Variants in NPC1L1 observed in about 807,000 individuals in gnomAD.
NPC1L1 encodes the protein NPC1 like intracellular cholesterol transporter 1, also known as NPC1-like intracellular cholesterol transporter 1.
In NPC1L1, 98 loss-of-function variants were observed where a neutral mutation model predicts 117.0. The ratio of observed to expected loss-of-function variants is 0.84; its 90% CI spans 0.71 to 0.99. NPC1L1 has a LOEUF of 0.99. NPC1L1 is among the 50% of genes least tolerant of loss of function. The pLI, the probability that NPC1L1 is intolerant of heterozygous loss-of-function variation, is 0.00. For missense variants in NPC1L1, 1,540 were observed against 1,710.0 expected (o/e 0.90, Z 1.75); for synonymous variants, 729 against 727.6 (o/e 1.00, Z -0.03).
chr7:44,518,648 G>T, intron 14 of NPC1L1: 1 of 1,077,686 alleles, frequency 9.3e-7, no homozygotes, highest in Non-Finnish European at 1.2e-6. Context: ...CAGCCTGGGT[G>T]ACAGAATGGC....
intron 10 of NPC1L1, among the ~76,000 whole-genome samples, chr7:44,531,098 G>A (rs1801685402): frequency 6.6e-6 from 1 of 152,200 alleles, no homozygotes; most frequent in Non-Finnish European, 1.5e-5. Context: ...GTCTGTGGCT[G>A]CTTCCTCTTG....
intron 7 of NPC1L1, 54 bp downstream of exon 7, chr7:44,533,685 C>G: frequency 6.2e-7 from 1 of 1,606,766 alleles, no homozygotes; most frequent in African/African-American, 1.3e-5. Flanking sequence ...TCCTAGGCCC[C>G]GGCACTAACC....
Position 44,538,310 on chromosome 7 carries a change from G to A in NPC1L1, c.1580+507C>T, listed in dbSNP as rs1801962283. Among the ~76,000 whole-genome samples the A allele has an allele frequency of 6.6e-6, 1 of 152,206 alleles. No individual in the cohort carries two copies. The highest frequency in any genetic ancestry group is 2.4e-5 in the African/African-American group (1 of 41,468). The stretch of plus-strand genomic sequence containing the variant: ...AACCCCAATCAATAGAAGTGTGTGT[G>A]GCTGTGGCCTACCCCAGGACACCCG... On this transcript the variant is annotated intron_variant, in intron 2 of 18. Transcript: ENST00000381160. The surrounding 1 kb of genome is among the most constrained non-coding windows in gnomAD (Gnocchi z 5.9).
In NPC1L1 at chr7:44,517,329, G is replaced by A. The variant is rs531074780; in HGVS notation, c.3165C>T (p.Pro1055=). The change falls in exon 15 of 19, where the codon CCC becomes CCT. Residue 1055 remains proline (P), a synonymous_variant. Transcript: ENST00000381160. ...CTGTGTAATCCTGTGAGTTTTTCAG[G>A]GGCTTGTGATAGGCCATGAACCTGG... ...LASRFMAYHK[P]LKNSQDYTEA... is the part of the protein sequence containing the mutation. 1 of 1,613,602 alleles carries A rather than the reference G, an allele frequency of 6.2e-7. No homozygotes were observed. The highest frequency in any genetic ancestry group is 2.2e-5 in the East Asian group (1 of 44,892).
intron 6 of NPC1L1, 78 bp from the exon 7 acceptor site, chr7:44,533,931 G>A: frequency 8.0e-7 from 1 of 1,245,414 alleles, no homozygotes; most frequent in Admixed American, 2.0e-5. Context: ...GAGTTGGCAA[G>A]TGCCCAGAGC....
At chr7:44,517,037 T>C in intron 15 of NPC1L1, 103 bp from the exon 16 acceptor site, 1 of 1,434,534 alleles carries the variant, frequency 7.0e-7, no homozygotes, top group African/African-American at 1.4e-5. Flanking sequence ...CAGGCAGGCT[T>C]ATATTGGGGT....
intron 18 of NPC1L1, among the ~76,000 whole-genome samples, chr7:44,514,444 G>C (rs1801125038): frequency 6.6e-6 from 1 of 152,178 alleles, no homozygotes; most frequent in East Asian, 1.9e-4. Context: ...AAGGCAGATG[G>C]ATCACCTGAG....
At chr7:44,532,404 A>G (rs1801735242) in intron 8 of NPC1L1, among the ~76,000 whole-genome samples, 187 bp from the exon 9 acceptor site, 1 of 152,192 alleles carries the variant, frequency 6.6e-6, no homozygotes, top group Admixed American at 6.5e-5. Flanking sequence ...ATTTTACACC[A>G]TCATGGGAAC....
chr7:44,539,951 T>G lies in NPC1L1; in HGVS notation c.446A>C (p.Gln149Pro), dbSNP rs1802037659. Residue 149 changes from glutamine to proline, a missense_variant, in exon 2 of 19, where the codon CAA becomes CCA. Around this residue, in one of 3 missense-constraint regions of NPC1L1, gnomAD observed 793 missense variants for 820.4 expected, o/e 0.97. Transcript: ENST00000381160. This position sits in a 1 kb window ranked among gnomAD's most constrained non-coding sequence, Gnocchi z 4.4. ...CTCATAGGCCACCACAGCTGGGAGT[T>G]GTCCAGCCCCTAGCTGGGCCACGCG... The part of the protein sequence containing the change: ...VTRVAQLGAG[Q>P]LPAVVAYEAF... The G allele has an allele frequency of 1.9e-6, 3 of 1,614,218 alleles. No homozygotes were observed. The East Asian group carries it at 6.7e-5, about 36-fold the overall frequency.
At chr7:44,526,563 A>C (rs781065973) in intron 10 of NPC1L1, among the ~76,000 whole-genome samples, 6 of 148,182 alleles carry the variant, frequency 4.0e-5, no homozygotes, top group African/African-American at 1.5e-4. Flanking sequence ...AAAAAAAAAA[A>C]ACTAAAAATT....
rs138403422 is a variant in NPC1L1, at chr7:44,536,939, G to A, written c.1584C>T (p.Ala528=). Residue 528 remains alanine (A), a synonymous_variant, in exon 3 of 19, where the codon GCC becomes GCT. Coordinates refer to ENST00000381160, the MANE Select transcript of NPC1L1 (RefSeq NM_001101648.2). The surrounding 1 kb of genome is among the most constrained non-coding windows in gnomAD (Gnocchi z 4.7). ...CTGTGCCATCCTTGAAGGTGAGCGG[G>A]GCACTAGAGGGAGATGACCGCAAAG... ...WKDHFLYCAN[A]PLTFKDGTAL... 1.8e-5 allele frequency: 29 copies of A among 1,613,464 alleles called. No homozygotes were observed. In the African/African-American group the frequency reaches 3.6e-4, roughly 20 times the overall value.
chr7:44,531,324 G>T (rs938874351), intron 10 of NPC1L1, among the ~76,000 whole-genome samples: 1 of 152,074 alleles, frequency 6.6e-6, no homozygotes, highest in Non-Finnish European at 1.5e-5. Context: ...TCCCACTGGC[G>T]AGTCTGTCAT....
chr7:44,539,939 A>G lies in NPC1L1; in HGVS notation c.458T>C (p.Val153Ala), dbSNP rs762931835. The G allele has an allele frequency of 6.9e-5, 112 of 1,614,098 alleles. No individual in the cohort carries two copies. The highest frequency in any genetic ancestry group is 9.2e-5 in the Non-Finnish European group (108 of 1,180,042). ...CTGGTAGAAGGCCTCATAGGCCACC[A>G]CAGCTGGGAGTTGTCCAGCCCCTAG... Reference protein sequence around the residue: ...AQLGAGQLPAVVAYEAFYQHS... With the variant: ...AQLGAGQLPAAVAYEAFYQHS... Residue 153 changes from valine (V) to alanine (A), a missense_variant, in exon 2 of 19, where the codon GTG becomes GCG. Physicochemically the swap from Val to Ala is moderately conservative, Grantham distance 64. This residue lies in a region of NPC1L1 where 793 missense variants were observed against 820.4 expected (regional missense o/e 0.97). Transcript: ENST00000381160. This position sits in a 1 kb window ranked among gnomAD's most constrained non-coding sequence, Gnocchi z 4.4.
Position 44,536,946 on chromosome 7 carries a change from G to A in NPC1L1, c.1581-4C>T, listed in dbSNP as rs1293185125. 6.2e-7 allele frequency: 1 copy of A among 1,613,102 alleles called. No individual in the cohort carries two copies. Among genetic ancestry groups the A allele is most frequent in the Non-Finnish European group, 8.5e-7 (1 of 1,179,420 alleles). On this transcript the variant is annotated splice_region_variant and splice_polypyrimidine_tract_variant and intron_variant, in intron 2 of 18. Transcript: ENST00000381160. This position sits in a 1 kb window ranked among gnomAD's most constrained non-coding sequence, Gnocchi z 4.7. The stretch of plus-strand genomic sequence containing the variant: ...ATCCTTGAAGGTGAGCGGGGCACTA[G>A]AGGGAGATGACCGCAAAGGGAAAGG...
At chr7:44,532,650 C>T in intron 8 of NPC1L1, among the ~76,000 whole-genome samples, 1 of 152,242 alleles carries the variant, frequency 6.6e-6, no homozygotes, top group East Asian at 1.9e-4. Flanking sequence ...TAGATTTTCT[C>T]TTCCTTATGA....
At chr7:44,531,022 C>T (rs906019801) in intron 10 of NPC1L1, among the ~76,000 whole-genome samples, 2 of 152,208 alleles carry the variant, frequency 1.3e-5, no homozygotes, top group Non-Finnish European at 2.9e-5. Context: ...ACATCGAGTC[C>T]CCTCGATGCC....
Position 44,538,589 on chromosome 7 carries a change from G to A in NPC1L1, c.1580+228C>T, listed in dbSNP as rs546199475. Among the ~76,000 whole-genome samples, 38 of 152,378 alleles carry A rather than the reference G, an allele frequency of 2.5e-4. No homozygotes were observed. Among genetic ancestry groups the A allele is most frequent in the African/African-American group, 6.7e-4 (28 of 41,584 alleles). On this transcript the variant is annotated intron_variant, in intron 2 of 18. Coordinates refer to ENST00000381160, the MANE Select transcript of NPC1L1 (RefSeq NM_001101648.2). This position sits in a 1 kb window ranked among gnomAD's most constrained non-coding sequence, Gnocchi z 5.9. Reference sequence around the variant, plus strand: ...GTGGACTCGGGGTTGAAGGGCCAGCGATGGCCACGCACAAACCTGCAGCCA... The same window carrying A: ...GTGGACTCGGGGTTGAAGGGCCAGCAATGGCCACGCACAAACCTGCAGCCA...
rs781347126 is a variant in NPC1L1, at chr7:44,513,467, T to G, written c.3979A>C (p.Asn1327His). The G allele has an allele frequency of 6.2e-7, 1 of 1,614,200 alleles. No homozygotes were observed. The highest frequency in any genetic ancestry group is 2.2e-5 in the East Asian group (1 of 44,884). The change falls in exon 19 of 19, where the codon AAC becomes CAC. Residue 1327 changes from asparagine (N) to histidine (H), a missense_variant. Physicochemically the swap from Asn to His is moderately conservative, Grantham distance 68. Coordinates refer to ENST00000381160, the MANE Select transcript of NPC1L1 (RefSeq NM_001101648.2). ...CTGTATCAGAACTGCCGCCCATTGTTGGGCAAGAAGTTGCTGATGGCACCA... is the reference window on the plus strand; with the variant it reads ...CTGTATCAGAACTGCCGCCCATTGTGGGGCAAGAAGTTGCTGATGGCACCA... The part of the protein sequence containing the change: ...GAGAISNFLP[N>H]NGRQF
chr7:44,517,301 C>A lies in NPC1L1; in HGVS notation c.3193G>T (p.Ala1065Ser). ...PLKNSQDYTE[A>S]LRAARELAAN... The stretch of plus-strand genomic sequence containing the variant: ...GCCAGCTCTCGAGCTGCCCGCAGAG[C>A]TTCTGTGTAATCCTGTGAGTTTTTC... Residue 1065 changes from alanine (A) to serine (S), a missense_variant, in exon 15 of 19, where the codon GCT (alanine) becomes TCT (serine). Around this residue, in one of 3 missense-constraint regions of NPC1L1, gnomAD observed 742 missense variants for 873.6 expected, o/e 0.85. Transcript: ENST00000381160. 2 of 1,614,124 alleles carry A rather than the reference C, an allele frequency of 1.2e-6. No homozygotes were observed. The highest frequency in any genetic ancestry group is 1.7e-6 in the Non-Finnish European group (2 of 1,180,044).
Sources: allele counts gnomAD v4.1 joint callset (sites outside exome capture counted in the v4.1 genomes callset), GRCh38; gene constraint gnomAD v4.1.1; regional missense constraint gnomAD v4.1.1; non-coding constraint Gnocchi (gnomAD v3.1); transcripts MANE v1.5; gene names NCBI Gene and HGNC (gene_info 2026-07-23, HGNC 2026-07-21).